ENTREP2: variants seen among roughly 807,000 people sequenced by gnomAD.
ENTREP2 encodes protein ENTREP2.
At chr15:29,159,164 C>T in the ENTREP2 span, among the ~76,000 whole-genome samples, 5 of 152,012 alleles carry the variant, frequency 3.3e-5, no homozygotes, top group African/African-American at 1.2e-4. Context: ...TCTGTTCGTT[C>T]TGATGTGTTT....
chr15:29,352,657 C>T, the ENTREP2 span, among the ~76,000 whole-genome samples: 2,095 of 152,238 alleles, frequency 0.014, 47 homozygotes, highest in African/African-American at 0.047. Flanking sequence ...CCTGTCCTTC[C>T]GCATTCATCC....
the ENTREP2 span, among the ~76,000 whole-genome samples, chr15:29,489,304 G>C: frequency 6.6e-6 from 1 of 152,108 alleles, no homozygotes; most frequent in Non-Finnish European, 1.5e-5. Context: ...TATGCTAACT[G>C]GGTGCTTGTA....
chr15:29,171,068 C>G, the ENTREP2 span, among the ~76,000 whole-genome samples: 1 of 152,162 alleles, frequency 6.6e-6, no homozygotes, highest in African/African-American at 2.4e-5. Context: ...ACAACCCACT[C>G]TCACCATAAC....
chr15:29,125,123 G>A, the ENTREP2 span, among the ~76,000 whole-genome samples: 3 of 152,206 alleles, frequency 2.0e-5, no homozygotes, highest in East Asian at 1.9e-4. Flanking sequence ...GGCGTCAGGC[G>A]GGTGTGTGGG....
At chr15:29,598,149 A>G in the ENTREP2 span, among the ~76,000 whole-genome samples, 3 of 152,074 alleles carry the variant, frequency 2.0e-5, no homozygotes, top group Non-Finnish European at 4.4e-5. Flanking sequence ...GACTAGGTTT[A>G]GTTTTGTAAG....
the ENTREP2 span, among the ~76,000 whole-genome samples, chr15:29,282,885 A>G: frequency 6.6e-6 from 1 of 152,158 alleles, no homozygotes; most frequent in Admixed American, 6.5e-5. Flanking sequence ...TGAGCTTTGA[A>G]AGCCTCGGGC....
chr15:29,188,775 TGGGGCTTTCA>T, the ENTREP2 span, among the ~76,000 whole-genome samples: 1 of 152,194 alleles, frequency 6.6e-6, no homozygotes, highest in East Asian at 1.9e-4. Flanking sequence ...ATGACGAGCT[TGGGGCTTTCA>T]GCCCCACTCC....
At chr15:29,453,312 G>A in the ENTREP2 span, among the ~76,000 whole-genome samples, 560 of 152,344 alleles carry the variant, frequency 3.7e-3, 2 homozygotes, top group African/African-American at 0.013. Flanking sequence ...CCCTGTCCTG[G>A]AAGTGGCGGA....
the ENTREP2 span, among the ~76,000 whole-genome samples, chr15:29,396,978 T>C: frequency 2.0e-5 from 3 of 152,184 alleles, no homozygotes; most frequent in African/African-American, 4.8e-5. Flanking sequence ...AAATTAAAAT[T>C]AGTTCCCTCC....
the ENTREP2 span, among the ~76,000 whole-genome samples, chr15:29,641,010 T>C: frequency 6.6e-6 from 1 of 152,188 alleles, no homozygotes; most frequent in Admixed American, 6.5e-5. Context: ...GAATGGAAAG[T>C]TGGCTTAATA....
At chr15:29,289,313 C>A in the ENTREP2 span, among the ~76,000 whole-genome samples, 1 of 152,070 alleles carries the variant, frequency 6.6e-6, no homozygotes, top group Non-Finnish European at 1.5e-5. Context: ...AAAAGGCACT[C>A]TACCTTATTA....
the ENTREP2 span, among the ~76,000 whole-genome samples, chr15:29,566,318 C>T: frequency 6.6e-6 from 1 of 151,682 alleles, no homozygotes; most frequent in Non-Finnish European, 1.5e-5. Context: ...GCCACCACGC[C>T]CAGCTAGTTT....
the ENTREP2 span, among the ~76,000 whole-genome samples, chr15:29,352,699 C>G: frequency 6.6e-6 from 1 of 152,332 alleles, no homozygotes; most frequent in South Asian, 2.1e-4. Context: ...CTCTGACATA[C>G]CGCCGCCTGT....
chr15:29,359,322 C>T, the ENTREP2 span, among the ~76,000 whole-genome samples: 3 of 152,184 alleles, frequency 2.0e-5, no homozygotes, highest in African/African-American at 7.2e-5. Context: ...CTGTAAAGAT[C>T]TGTGTTTTGG....
At chr15:29,124,705 C>CA in the ENTREP2 span, 2 of 1,550,708 alleles carry the variant, frequency 1.3e-6, no homozygotes, top group East Asian at 4.9e-5. Context: ...GGCACAGCCT[C>CA]AGACAGTCCC....
chr15:29,351,403 T>C, the ENTREP2 span, among the ~76,000 whole-genome samples: 7 of 152,022 alleles, frequency 4.6e-5, no homozygotes, highest in Admixed American at 1.3e-4. Flanking sequence ...GACATGGGAG[T>C]CTTCTTATTT....
the ENTREP2 span, among the ~76,000 whole-genome samples, chr15:29,391,082 T>C: frequency 6.6e-6 from 1 of 152,062 alleles, no homozygotes; most frequent in Non-Finnish European, 1.5e-5. Context: ...TCACCCTCCG[T>C]CAATTCTCCT....
the ENTREP2 span, among the ~76,000 whole-genome samples, chr15:29,651,257 T>C: frequency 3.9e-5 from 6 of 152,372 alleles, no homozygotes; most frequent in East Asian, 5.8e-4. Flanking sequence ...ATCATTCTTA[T>C]CTTCCATGAT....
chr15:29,292,505 C>T, the ENTREP2 span, among the ~76,000 whole-genome samples: 1 of 151,980 alleles, frequency 6.6e-6, no homozygotes, highest in Admixed American at 6.6e-5. Context: ...CTCAGCCTCC[C>T]GAGTAGCTAG....
Sources: allele counts gnomAD v4.1 joint callset (sites outside exome capture counted in the v4.1 genomes callset), GRCh38; gene constraint gnomAD v4.1.1; transcripts MANE v1.5; gene names NCBI Gene and HGNC (gene_info 2026-07-23, HGNC 2026-07-21).